The following NR6A1 variants were observed in gnomAD, a reference collection of about 807,000 sequenced individuals.
NR6A1 encodes the protein retinoic acid receptor-related testis-associated receptor.
A neutral mutation model predicts 59.1 loss-of-function variants in NR6A1; 7 were observed. That is an observed-to-expected ratio of 0.12 (90% confidence interval 0.07 to 0.22). The LOEUF (loss-of-function observed/expected upper bound fraction) is 0.22, where lower values mean the gene tolerates loss of function less well. Ranked by LOEUF, NR6A1 falls within the 10% of genes least tolerant of loss-of-function variation. The pLI, the probability that NR6A1 is intolerant of heterozygous loss-of-function variation, is 1.00. For synonymous variants in NR6A1, 243 were observed against 236.1 expected (o/e 1.03, Z -0.27); for missense variants, 468 against 611.6 (o/e 0.77, Z 2.48).
At chr9:124,612,607 T>C (rs574418993) in intron 2 of NR6A1, among the ~76,000 whole-genome samples, 1 of 152,268 alleles carries the variant, frequency 6.6e-6, no homozygotes, top group South Asian at 2.1e-4. Flanking sequence ...CTCTTCTCAG[T>C]TACTTAACTG....
intron 2 of NR6A1, among the ~76,000 whole-genome samples, chr9:124,588,661 G>C (rs1206314371): frequency 1.4e-5 from 2 of 146,096 alleles, no homozygotes; most frequent in African/African-American, 5.0e-5. Flanking sequence ...GGCTCACGCC[G>C]GTAATCCCAG....
chr9:124,618,237 T>C (rs1041410475), intron 2 of NR6A1, among the ~76,000 whole-genome samples: 4 of 152,086 alleles, frequency 2.6e-5, no homozygotes, highest in Non-Finnish European at 4.4e-5. Flanking sequence ...ATCCCAGCAC[T>C]TTGGGAGGCT....
At chr9:124,706,042 C>G (rs1195452953) in intron 2 of NR6A1, among the ~76,000 whole-genome samples, 3 of 152,334 alleles carry the variant, frequency 2.0e-5, no homozygotes, top group Admixed American at 6.5e-5. Context: ...TCCCAAAGTG[C>G]CGGGATTACA....
intron 2 of NR6A1, among the ~76,000 whole-genome samples, chr9:124,632,619 A>G (rs12683744): frequency 0.044 from 6,675 of 152,264 alleles, 418 homozygotes; most frequent in African/African-American, 0.14. Flanking sequence ...GAATGCCAAG[A>G]TTTGTAAGGT....
chr9:124,740,472 C>T (rs1373059196), intron 1 of NR6A1, among the ~76,000 whole-genome samples: 1 of 152,190 alleles, frequency 6.6e-6, no homozygotes, highest in Non-Finnish European at 1.5e-5. Context: ...ACATGAGATA[C>T]AGTGACACAG....
At chr9:124,548,222 G>A (rs1833659009) in intron 3 of NR6A1, among the ~76,000 whole-genome samples, 1 of 152,168 alleles carries the variant, frequency 6.6e-6, no homozygotes, top group South Asian at 2.1e-4. Context: ...GTGAATTTAG[G>A]TAAAGGGCAT....
At chr9:124,561,620 CA>C (rs1326863148) in intron 2 of NR6A1, among the ~76,000 whole-genome samples, 4 of 151,762 alleles carry the variant, frequency 2.6e-5, no homozygotes, top group Non-Finnish European at 4.4e-5. Flanking sequence ...ATCTAAAAGA[CA>C]AAAAAATTGG....
chr9:124,577,292 C>A (rs545859805), intron 2 of NR6A1, among the ~76,000 whole-genome samples: 4 of 152,250 alleles, frequency 2.6e-5, no homozygotes, highest in South Asian at 2.1e-4. Context: ...CAAAAAAATT[C>A]TTTGAGTCTC....
chr9:124,547,325 T>TG (rs1441132532), intron 3 of NR6A1, among the ~76,000 whole-genome samples: 3 of 152,212 alleles, frequency 2.0e-5, no homozygotes, highest in Admixed American at 6.5e-5. Context: ...GTGGTGCCTT[T>TG]GGTTCATGGG....
intron 3 of NR6A1, among the ~76,000 whole-genome samples, chr9:124,550,608 C>G (rs1482081109): frequency 6.6e-6 from 1 of 151,764 alleles, no homozygotes; most frequent in African/African-American, 2.4e-5. Context: ...TCCACCTGCT[C>G]CGGCCTCCCA....
intron 2 of NR6A1, among the ~76,000 whole-genome samples, chr9:124,718,102 C>CT (rs1453335717): frequency 6.6e-6 from 1 of 152,208 alleles, no homozygotes; most frequent in Non-Finnish European, 1.5e-5. Flanking sequence ...ACAAACTGAG[C>CT]TTCACACGTT....
chr9:124,762,152 T>G (rs1840800258), intron 1 of NR6A1, among the ~76,000 whole-genome samples: 2 of 152,198 alleles, frequency 1.3e-5, no homozygotes, highest in African/African-American at 4.8e-5. Context: ...GCCTGAGTGT[T>G]CTTCAGGATC....
chr9:124,608,426 G>A (rs2130836464), intron 2 of NR6A1, among the ~76,000 whole-genome samples: 1 of 152,230 alleles, frequency 6.6e-6, no homozygotes, highest in South Asian at 2.1e-4. Context: ...GTTTGCTGAG[G>A]ATAATGGTTT....
chr9:124,546,647 T>G (rs1833610579), intron 3 of NR6A1, among the ~76,000 whole-genome samples: 1 of 151,346 alleles, frequency 6.6e-6, no homozygotes, highest in African/African-American at 2.4e-5. Flanking sequence ...AAAATTAACT[T>G]TGATTTTTAA....
intron 2 of NR6A1, among the ~76,000 whole-genome samples, chr9:124,670,092 C>A (rs1308692845): frequency 6.6e-6 from 1 of 151,764 alleles, no homozygotes; most frequent in African/African-American, 2.4e-5. Context: ...GGTCAACATA[C>A]TTCTTAGCCT....
intron 2 of NR6A1, among the ~76,000 whole-genome samples, chr9:124,564,896 C>T (rs1465130800): frequency 6.6e-6 from 1 of 152,070 alleles, no homozygotes; most frequent in Non-Finnish European, 1.5e-5. Flanking sequence ...GAGAACCCTA[C>T]AACATAGCCA....
chr9:124,733,987 A>G (rs527792149), intron 1 of NR6A1, among the ~76,000 whole-genome samples: 1 of 152,340 alleles, frequency 6.6e-6, no homozygotes, highest in African/African-American at 2.4e-5. Context: ...TATAACTAAC[A>G]CACTGGAGAG....
At chr9:124,737,945 C>T (rs1383489025) in intron 1 of NR6A1, among the ~76,000 whole-genome samples, 1 of 152,128 alleles carries the variant, frequency 6.6e-6, no homozygotes, top group Non-Finnish European at 1.5e-5. Flanking sequence ...CATGGTAAAA[C>T]GCCATCTCTA....
Position 124,517,612 on chromosome 9 carries a change from G to A in NR6A1, c.*5093C>T, listed in dbSNP as rs997684950. 1 of 152,272 alleles carries A rather than the reference G, an allele frequency of 6.6e-6. No homozygotes were observed. The highest frequency in any genetic ancestry group is 1.5e-5 in the Non-Finnish European group (1 of 68,092). The allele number at this position is 152,272 out of a possible 1,614,324, so 9.4% of individuals were successfully genotyped here. ...CCTAGGGCAGGTAACCTGGGGGTAG[G>A]CTCGTGGATGTGTGTGCCACTAGAG... On this transcript the variant is annotated 3_prime_UTR_variant, in exon 10 of 10. Transcript: ENST00000487099.
Sources: allele counts gnomAD v4.1 joint callset (sites outside exome capture counted in the v4.1 genomes callset), GRCh38; gene constraint gnomAD v4.1.1; transcripts MANE v1.5; gene names NCBI Gene and HGNC (gene_info 2026-07-23, HGNC 2026-07-21).